Variants in NSD3 observed in about 807,000 individuals in gnomAD.
NSD3 encodes the protein nuclear receptor binding SET domain protein 3, also known as histone-lysine N-methyltransferase NSD3.
In NSD3, 24 loss-of-function variants were observed where a neutral mutation model predicts 160.8. That is an observed-to-expected ratio of 0.15 (90% CI 0.11 to 0.21). NSD3 has a LOEUF of 0.21. NSD3 is among the 10% of genes least tolerant of loss of function. The pLI is 1.00. For missense variants in NSD3, 1,157 were observed against 1,735.9 expected (o/e 0.67, Z 5.93); for synonymous variants, 520 against 600.0 (o/e 0.87, Z 1.95).
At chr8:38,309,265 C>T (rs531355535) in intron 12 of NSD3, among the ~76,000 whole-genome samples, 1 of 152,126 alleles carries the variant, frequency 6.6e-6, no homozygotes, top group South Asian at 2.1e-4. Context: ...GTCAGGAGTT[C>T]GGGGCTAGCC....
At chr8:38,275,922 A>C (rs1430798042) in intron 23 of NSD3, 40 bp from the exon 24 acceptor site, 1 of 1,570,386 alleles carries the variant, frequency 6.4e-7, no homozygotes, top group Admixed American at 1.8e-5. Flanking sequence ...AGAAGTGCCC[A>C]AGTTAGTGCC....
chr8:38,334,864 T>C (rs1810173480), intron 4 of NSD3, among the ~76,000 whole-genome samples: 2 of 152,028 alleles, frequency 1.3e-5, no homozygotes, highest in South Asian at 4.1e-4. Flanking sequence ...TATTAAAATA[T>C]ATAGGTTAAA....
intron 12 of NSD3, among the ~76,000 whole-genome samples, chr8:38,313,753 A>C (rs2131019157): frequency 6.7e-6 from 1 of 148,940 alleles, no homozygotes; most frequent in South Asian, 2.1e-4. Flanking sequence ...GTGCCACTGC[A>C]CTCCAGCCTG....
chr8:38,351,208 AC>A (rs112731738), intron 1 of NSD3, among the ~76,000 whole-genome samples: 31,452 of 147,860 alleles, frequency 0.21, 3,535 homozygotes, highest in East Asian at 0.31. Flanking sequence ...CGATCTCCTG[AC>A]CTCGTGATCC....
intron 1 of NSD3, among the ~76,000 whole-genome samples, chr8:38,375,720 C>G (rs1213177847): frequency 6.6e-6 from 1 of 151,646 alleles, no homozygotes; most frequent in Non-Finnish European, 1.5e-5. Flanking sequence ...ATAAAGTTCA[C>G]CATTCATTTA....
intron 16 of NSD3, 90 bp downstream of exon 16, chr8:38,295,706 C>T (rs1031468720): frequency 1.2e-5 from 15 of 1,247,304 alleles, no homozygotes; most frequent in East Asian, 2.5e-5. Flanking sequence ...TGCTGTCTAC[C>T]TATCTATCTC....
intron 13 of NSD3, 63 bp downstream of exon 13, chr8:38,305,185 G>T: frequency 6.5e-7 from 1 of 1,527,426 alleles, no homozygotes; most frequent in Non-Finnish European, 9.0e-7. Context: ...ATATATGCTT[G>T]ATAATGTTAT....
intron 1 of NSD3, among the ~76,000 whole-genome samples, chr8:38,349,640 TA>T (rs200602087): frequency 0.013 from 1,794 of 142,128 alleles, 44 homozygotes; most frequent in African/African-American, 0.045. Flanking sequence ...AGTATCTACT[TA>T]TTTTTTTATT....
Position 38,347,573 on chromosome 8 carries a change from CT to C in NSD3, c.598del (p.Ser200AlafsTer20). 6.2e-7 allele frequency: 1 copy of C among 1,613,984 alleles called. No individual in the cohort carries two copies. Among genetic ancestry groups the C allele is most frequent in the South Asian group, 1.1e-5 (1 of 91,064 alleles). On this transcript the variant is annotated frameshift_variant, in exon 2 of 24. Transcript: ENST00000317025. LOFTEE classifies it high-confidence loss of function. ...HESRKEKRKKSNKHDSSRSEE... is the reference protein window; with the variant it reads ...HESRKEKRKKXNKHDSSRSEE... Reference sequence around the variant, plus strand: ...AGATCTTGATGAGTCATGCTTGTTGCTTTTTTTCCTCTTTTCTTTTCTGCTT... The same window carrying C: ...AGATCTTGATGAGTCATGCTTGTTGCTTTTTTCCTCTTTTCTTTTCTGCTT...
At chr8:38,348,359 A>G (rs1810585304) in intron 1 of NSD3, 144 bp from the exon 2 acceptor site, 1 of 561,516 alleles carries the variant, frequency 1.8e-6, no homozygotes, top group East Asian at 3.1e-5. Context: ...TCTAAAACAG[A>G]TAACTGATAT....
chr8:38,350,720 G>A (rs949761423), intron 1 of NSD3, among the ~76,000 whole-genome samples: 7 of 152,048 alleles, frequency 4.6e-5, no homozygotes, highest in Admixed American at 2.0e-4. Flanking sequence ...CTATATCCCC[G>A]GTAACTTTGA....
intron 4 of NSD3, among the ~76,000 whole-genome samples, chr8:38,336,743 CA>C (rs1219604713): frequency 1.3e-5 from 2 of 152,036 alleles, no homozygotes; most frequent in African/African-American, 4.8e-5. Context: ...CAAGTGTAAG[CA>C]AATTATAAGC....
intron 1 of NSD3, among the ~76,000 whole-genome samples, chr8:38,374,670 G>A (rs980971273): frequency 1.3e-5 from 2 of 152,100 alleles, no homozygotes; most frequent in African/African-American, 4.8e-5. Flanking sequence ...TTGGCCTGAA[G>A]GGGTCTCTGA....
intron 1 of NSD3, among the ~76,000 whole-genome samples, chr8:38,355,919 A>G (rs1419710871): frequency 6.6e-6 from 1 of 152,234 alleles, no homozygotes; most frequent in African/African-American, 2.4e-5. Context: ...AACTTGCCAT[A>G]GTCTGAGATC....
chr8:38,325,828 C>A (rs1417865771), intron 7 of NSD3, among the ~76,000 whole-genome samples: 1 of 149,692 alleles, frequency 6.7e-6, no homozygotes, highest in African/African-American at 2.5e-5. Flanking sequence ...TTGTACTCCA[C>A]TCTGCATGAC....
chr8:38,314,833 C>T (rs73674146), intron 11 of NSD3, 60 bp from the exon 12 acceptor site: 126 of 1,555,424 alleles, frequency 8.1e-5, no homozygotes, highest in African/African-American at 6.4e-4. Flanking sequence ...ACCACATGGG[C>T]GGCTTGTTAA....
At position 38,327,215 on chromosome 8, in the gene NSD3, A is replaced by C. The variant is rs992373179; in HGVS notation, c.1582-359T>G. On this transcript the variant is annotated intron_variant, in intron 6 of 23. Transcript: ENST00000317025. ...CAGATGCGTGCCACCACGCCCTGCT[A>C]ATTTTTTTTTTTGTATTTTTAGTAG... 2.0e-5 allele frequency among the ~76,000 whole-genome samples: 3 copies of C among 151,212 alleles called. No individual in the cohort carries two copies. The East Asian group carries it at 5.8e-4, about 29-fold the overall frequency.
intron 7 of NSD3, among the ~76,000 whole-genome samples, chr8:38,324,732 C>A (rs988608754): frequency 6.6e-6 from 1 of 152,170 alleles, no homozygotes; most frequent in Non-Finnish European, 1.5e-5. Context: ...ACTAGAAAAA[C>A]CAAGCTATGA....
rs772550495 is a variant in NSD3, at chr8:38,337,307, CTT to C, written c.906_907del (p.Gly304CysfsTer10). ...TATCTGTTTATGCCTTTTCTTACCT[CTT>C]GTGTTAATTTTAGTATGAACCTCAA... On this transcript the variant is annotated frameshift_variant, in exon 4 of 24. Transcript: ENST00000317025. LOFTEE classifies it high-confidence loss of function. The C allele has an allele frequency of 6.3e-7, 1 of 1,598,044 alleles. No individual in the cohort carries two copies. Among genetic ancestry groups the C allele is most frequent in the South Asian group, 1.1e-5 (1 of 87,432 alleles).
Sources: allele counts gnomAD v4.1 joint callset (sites outside exome capture counted in the v4.1 genomes callset), GRCh38; gene constraint gnomAD v4.1.1; transcripts MANE v1.5; gene names NCBI Gene and HGNC (gene_info 2026-07-23, HGNC 2026-07-21).